Variants in CAPRIN2 observed in about 807,000 individuals in gnomAD.
CAPRIN2 encodes caprin family member 2.
In CAPRIN2, 66 loss-of-function variants were observed where a neutral mutation model predicts 130.4. The observed-to-expected ratio is 0.51, with a 90% confidence interval of 0.42 to 0.62. The LOEUF is 0.62. CAPRIN2 is among the 20% of genes least tolerant of loss of function. The pLI is 0.00. For missense variants in CAPRIN2, 1,185 were observed against 1,246.6 expected (o/e 0.95, Z 0.74); for synonymous variants, 471 against 444.1 (o/e 1.06, Z -0.76).
chr12:30,715,274 G>A (rs1555135819), intron 13 of CAPRIN2, 133 bp from the exon 16 acceptor site: 1 of 687,674 alleles, frequency 1.5e-6, no homozygotes, highest in Non-Finnish European at 2.5e-6. Flanking sequence ...ATATATTCAT[G>A]TATATAATTC....
At chr12:30,728,554 CAAAA>C (rs11406794) in intron 8 of CAPRIN2, 90 bp downstream of exon 9, 399 of 807,468 alleles carry the variant, frequency 4.9e-4, no homozygotes, top group South Asian at 9.9e-4. Context: ...TTCTCCATCT[CAAAA>C]AAAAAAAAAA....
At chr12:30,734,655 T>G (rs1336178336) in intron 4 of CAPRIN2, among the ~76,000 whole-genome samples, 2 of 152,092 alleles carry the variant, frequency 1.3e-5, no homozygotes, top group Non-Finnish European at 2.9e-5. Context: ...ATATTATACT[T>G]GTACAGGATT....
chr12:30,736,187 G>T (rs2064696441), intron 3 of CAPRIN2, among the ~76,000 whole-genome samples: 1 of 150,372 alleles, frequency 6.7e-6, no homozygotes, highest in Admixed American at 6.6e-5. Context: ...TGTGTACATA[G>T]ATTGAGCAGC....
chr12:30,711,722 TC>T (rs2054747027), intron 15 of CAPRIN2, 93 bp from the exon 18 acceptor site: 1 of 1,000,160 alleles, frequency 1.0e-6, no homozygotes, highest in Non-Finnish European at 1.6e-6. Context: ...ATAAGATTAG[TC>T]CCCTTAGTTC....
intron 8 of CAPRIN2, among the ~76,000 whole-genome samples, chr12:30,726,529 C>T (rs2137532708): frequency 6.6e-6 from 1 of 152,168 alleles, no homozygotes; most frequent in South Asian, 2.1e-4. Flanking sequence ...TATATAAGTA[C>T]ATACATACAC....
intron 12 of CAPRIN2, chr12:30,719,820 T>C (rs2058819668): frequency 6.6e-6 from 1 of 152,272 alleles, no homozygotes; most frequent in South Asian, 2.1e-4. Context: ...TTGGTAACAA[T>C]CACTTCTTCC....
chr12:30,714,809 T>C, intron 14 of CAPRIN2, 150 bp downstream of exon 16: 1 of 550,918 alleles, frequency 1.8e-6, no homozygotes, highest in South Asian at 3.1e-5. Context: ...GGAGAATAGG[T>C]ATATTAAAAA....
chr12:30,721,140 G>T (rs1256976664), intron 11 of CAPRIN2, among the ~76,000 whole-genome samples: 1 of 152,162 alleles, frequency 6.6e-6, no homozygotes, highest in African/African-American at 2.4e-5. Context: ...GAAAGGTTAA[G>T]ACATTTGCCC....
intron 11 of CAPRIN2, among the ~76,000 whole-genome samples, chr12:30,722,428 C>T (rs1239116829): frequency 6.6e-6 from 1 of 151,402 alleles, no homozygotes; most frequent in African/African-American, 2.4e-5. Flanking sequence ...ATCCCACAGC[C>T]TCCACCAGAG....
intron 11 of CAPRIN2, among the ~76,000 whole-genome samples, 158 bp from the exon 13 acceptor site, chr12:30,721,073 CAG>C (rs2059282563): frequency 6.6e-6 from 1 of 152,208 alleles, no homozygotes; most frequent in Non-Finnish European, 1.5e-5. Flanking sequence ...TTAATCCTAA[CAG>C]TAATCTGTGA....
chr12:30,751,473 T>C (rs1167612342), intron 1 of CAPRIN2: 2 of 223,652 alleles, frequency 8.9e-6, no homozygotes, highest in Non-Finnish European at 1.8e-5. Context: ...GGAACAATTT[T>C]GTCCCCCAAA....
chr12:30,713,563 C>T (rs1331002057), intron 15 of CAPRIN2, among the ~76,000 whole-genome samples: 1 of 152,188 alleles, frequency 6.6e-6, no homozygotes, highest in Non-Finnish European at 1.5e-5. Context: ...TAATAATGTC[C>T]TTAACACCTT....
chr12:30,715,182 G>T, intron 13 of CAPRIN2, 41 bp from the exon 16 acceptor site: 2 of 1,547,696 alleles, frequency 1.3e-6, no homozygotes, highest in South Asian at 1.1e-5. Context: ...GAGTTAAATG[G>T]TAATAGTCTT....
intron 13 of CAPRIN2, chr12:30,716,253 G>A: frequency 2.7e-6 from 1 of 369,600 alleles, no homozygotes. Context: ...AAAGCAAATA[G>A]ATTTAAAAAT....
At chr12:30,749,989 G>C (rs1182045146) in intron 2 of CAPRIN2, among the ~76,000 whole-genome samples, 1 of 152,018 alleles carries the variant, frequency 6.6e-6, no homozygotes, top group Non-Finnish European at 1.5e-5. Flanking sequence ...TAAAAATAAG[G>C]AACACAACTC....
chr12:30,736,548 A>G (rs939870223), intron 3 of CAPRIN2, among the ~76,000 whole-genome samples: 1 of 152,248 alleles, frequency 6.6e-6, no homozygotes, highest in Admixed American at 6.5e-5. Context: ...TCACTGTGGC[A>G]TAATTAATCC....
At chr12:30,719,399 T>C (rs1325017201) in intron 12 of CAPRIN2, 174 bp from the exon 14 acceptor site, 1 of 672,852 alleles carries the variant, frequency 1.5e-6, no homozygotes, top group Non-Finnish European at 2.5e-6. Context: ...TGAGGATGCA[T>C]ACCAGTATTT....
At chr12:30,754,110 C>A in exon 1 of CAPRIN2, 1 of 205,734 alleles carries the variant, frequency 4.9e-6, no homozygotes, top group Non-Finnish European at 9.9e-6. Context: ...GAACCAGCAG[C>A]TTCTTGAACA....
chr12:30,726,961 C>T (rs1258296087), intron 8 of CAPRIN2, among the ~76,000 whole-genome samples: 1 of 152,016 alleles, frequency 6.6e-6, no homozygotes, highest in Non-Finnish European at 1.5e-5. Context: ...ATAGAAGTAT[C>T]CTCTCCTCTC....
Sources: allele counts gnomAD v4.1 joint callset (sites outside exome capture counted in the v4.1 genomes callset), GRCh38; gene constraint gnomAD v4.1.1; transcripts MANE v1.5; gene names NCBI Gene and HGNC (gene_info 2026-07-23, HGNC 2026-07-21).